Variants in DGKD observed in about 807,000 individuals in gnomAD.
The protein encoded by DGKD is DAG kinase delta.
A neutral mutation model predicts 154.4 loss-of-function variants in DGKD; 68 were observed. The ratio of observed to expected loss-of-function variants is 0.44; its 90% CI spans 0.36 to 0.54. The LOEUF is 0.54. DGKD is among the 20% of genes least tolerant of loss of function. DGKD has a pLI of 0.00. For missense variants in DGKD, 1,343 were observed against 1,593.6 expected, an observed-to-expected ratio of 0.84 and a Z score of 2.68; for synonymous variants, 693 against 638.0, an observed-to-expected ratio of 1.09 and a Z score of -1.30.
At chr2:233,420,846 G>T (rs1190387754) in intron 3 of DGKD, among the ~76,000 whole-genome samples, 1 of 152,192 alleles carries the variant, frequency 6.6e-6, no homozygotes, top group Non-Finnish European at 1.5e-5. Flanking sequence ...TCCTGTTGTG[G>T]ACGTACACTT....
intron 5 of DGKD, among the ~76,000 whole-genome samples, chr2:233,435,436 AAAG>A (rs2062656628): frequency 6.6e-6 from 1 of 152,232 alleles, no homozygotes; most frequent in Non-Finnish European, 1.5e-5. Flanking sequence ...GAAAAAATCA[AAAG>A]AAGAATCATA....
chr2:233,403,005 G>A lies in DGKD; in HGVS notation c.348+12522G>A, dbSNP rs563387102. 2.6e-5 allele frequency among the ~76,000 whole-genome samples: 4 copies of A among 152,268 alleles called. No individual in the cohort carries two copies. The South Asian group carries it at 6.2e-4, about 24-fold the overall frequency. ...TACAAAGTACAGTTAGAGTGGTGGT[G>A]GTTAGCCTTGGGAGGGGAGGTAAGC... On this transcript the variant is annotated intron_variant, in intron 3 of 29. Coordinates refer to ENST00000264057, the MANE Select transcript of DGKD (RefSeq NM_152879.3).
chr2:233,445,573 G>T lies in DGKD; in HGVS notation c.1195-50G>T. 6.5e-7 allele frequency: 1 copy of T among 1,537,498 alleles called. No homozygotes were observed. Among genetic ancestry groups the T allele is most frequent in the Non-Finnish European group, 8.8e-7 (1 of 1,140,318 alleles). ...AAGGAGGGCTGCGGGCTGGGAAGTG[G>T]CCCCTGCCCCCAGGTGTTTGCCTGC... On this transcript the variant is annotated intron_variant, in intron 10 of 29. Transcript: ENST00000264057. The surrounding 1 kb of genome is among the most constrained non-coding windows in gnomAD (Gnocchi z 5.5).
intron 3 of DGKD, 134 bp downstream of exon 3, chr2:233,390,617 G>A (rs1703536455): frequency 1.5e-6 from 1 of 665,514 alleles, no homozygotes; most frequent in South Asian, 2.0e-5. Flanking sequence ...GGTAAAATTT[G>A]AATTTAATGC....
chr2:233,445,667 C>T lies in DGKD; in HGVS notation c.1239C>T (p.Ala413=), dbSNP rs1471974834. The T allele has an allele frequency of 1.2e-5, 19 of 1,613,188 alleles. No individual in the cohort carries two copies. Among genetic ancestry groups the T allele is most frequent in the Non-Finnish European group, 1.5e-5 (18 of 1,179,642 alleles). The stretch of plus-strand genomic sequence containing the variant: ...CGCTCGGCACAGGGAACGACTTGGC[C>T]CGAGTACTGGGCTGGGGCTCAGCCT... The part of the protein sequence containing the change: ...VLPLGTGNDL[A]RVLGWGSACD... Residue 413 remains alanine (A), a synonymous_variant, in exon 11 of 30, where the codon GCC becomes GCT. Transcript: ENST00000264057. The surrounding 1 kb of genome is among the most constrained non-coding windows in gnomAD (Gnocchi z 5.5).
In DGKD at chr2:233,462,435, G is replaced by A. The variant is rs762920787; in HGVS notation, c.3069G>A (p.Val1023=). ...VNASSKSMDR[V]YGKPRTTEGL... ...CCAGCTCCAAGTCCATGGACCGTGTGTATGGCAAGCCCAGAACCACAGAGG... is the reference window on the plus strand; with the variant it reads ...CCAGCTCCAAGTCCATGGACCGTGTATATGGCAAGCCCAGAACCACAGAGG... Residue 1023 remains valine, a synonymous_variant, in exon 25 of 30, where the codon GTG becomes GTA. Transcript: ENST00000264057. 1.2e-6 allele frequency: 2 copies of A among 1,600,570 alleles called. No homozygotes were observed. Among genetic ancestry groups the A allele is most frequent in the Non-Finnish European group, 1.7e-6 (2 of 1,169,614 alleles).
chr2:233,394,643 A>G (rs1703874673), intron 3 of DGKD, among the ~76,000 whole-genome samples: 1 of 135,652 alleles, frequency 7.4e-6, no homozygotes, highest in South Asian at 2.4e-4. Context: ...ACCCTTTTCC[A>G]TCCTAACTTT....
intron 1 of DGKD, among the ~76,000 whole-genome samples, chr2:233,369,161 T>A (rs1215353742): frequency 6.6e-6 from 1 of 152,222 alleles, no homozygotes; most frequent in African/African-American, 2.4e-5. Context: ...GGGGGGAGGT[T>A]CTCATCTGTA....
Position 233,471,982 on chromosome 2 carries a change from A to G in DGKD, c.*2522A>G, listed in dbSNP as rs2064029547. The G allele has an allele frequency of 6.6e-6, 1 of 152,384 alleles. No homozygotes were observed. Among genetic ancestry groups the G allele is most frequent in the African/African-American group, 2.4e-5 (1 of 41,460 alleles). The allele number at this position is 152,384 out of a possible 1,614,324, so 9.4% of individuals were successfully genotyped here. On this transcript the variant is annotated 3_prime_UTR_variant, in exon 30 of 30. Transcript: ENST00000264057. ...CCTCGTATTTATAATCTTAATTTAT[A>G]TAGTGACCACCGTGGAAACAAACGC...
At position 233,452,263 on chromosome 2, in the gene DGKD, G is replaced by T. The variant is rs1052958973; in HGVS notation, c.2264+203G>T. On this transcript the variant is annotated intron_variant, in intron 18 of 29. Transcript: ENST00000264057. The surrounding 1 kb of genome is among the most constrained non-coding windows in gnomAD (Gnocchi z 4.0). ...TGCACATCTGCTGCAGAGGCAAAGC[G>T]CACGCCTCCCATCTCCTTCCCAAGG... is the stretch of plus-strand genomic sequence containing the variant. Among the ~76,000 whole-genome samples the T allele has an allele frequency of 6.6e-6, 1 of 152,202 alleles. No individual in the cohort carries two copies. The highest frequency in any genetic ancestry group is 1.5e-5 in the Non-Finnish European group (1 of 68,032).
intron 3 of DGKD, among the ~76,000 whole-genome samples, chr2:233,401,015 C>T (rs2125482777): frequency 6.6e-6 from 1 of 152,220 alleles, no homozygotes; most frequent in African/African-American, 2.4e-5. Flanking sequence ...AGACCCAAGG[C>T]AGCAGGACTG....
chr2:233,388,230 T>G (rs906843945), intron 1 of DGKD, 27 bp from the exon 2 acceptor site: 21 of 1,600,818 alleles, frequency 1.3e-5, no homozygotes, highest in Non-Finnish European at 1.7e-5. Flanking sequence ...AAAACGCAAG[T>G]TTATGAATAT....
chr2:233,438,151 C>G lies in DGKD; in HGVS notation c.923-66C>G, dbSNP rs756680857. The G allele has an allele frequency of 6.3e-5, 97 of 1,545,786 alleles. No homozygotes were observed. In the Middle Eastern group the frequency reaches 9.2e-4, roughly 15 times the overall value. On this transcript the variant is annotated intron_variant, in intron 8 of 29. Transcript: ENST00000264057. The surrounding 1 kb of genome is among the most constrained non-coding windows in gnomAD (Gnocchi z 4.1). ...TTGGGGGGGTCTGCTGCTGCTGATTCCATCAGTGGTGCCCTCAGCGTCTTC... is the reference window on the plus strand; with the variant it reads ...TTGGGGGGGTCTGCTGCTGCTGATTGCATCAGTGGTGCCCTCAGCGTCTTC...
chr2:233,426,153 T>C (rs867729130), intron 3 of DGKD, among the ~76,000 whole-genome samples: 13 of 152,226 alleles, frequency 8.5e-5, no homozygotes, highest in African/African-American at 3.1e-4. Flanking sequence ...TCTAACACTG[T>C]TTTAACATAG....
intron 11 of DGKD, among the ~76,000 whole-genome samples, chr2:233,446,468 T>G (rs1276444402): frequency 6.6e-6 from 1 of 152,258 alleles, no homozygotes; most frequent in Non-Finnish European, 1.5e-5. Context: ...AAGCAGCATC[T>G]TATCTCAAGG....
intron 1 of DGKD, chr2:233,386,181 G>T (rs766499221): frequency 3.7e-5 from 12 of 324,980 alleles, no homozygotes; most frequent in Non-Finnish European, 6.7e-5. Context: ...TCCCATTTAG[G>T]GAAGAGATGG....
rs147237374 is a variant in DGKD, at chr2:233,438,678, T to C, written c.1085+299T>C. ...CTTTACCTGCCGTTGCACAAATGCC[T>C]TCTGTATGTGTCTGCATACAACGTT... is the stretch of plus-strand genomic sequence containing the variant. On this transcript the variant is annotated intron_variant, in intron 9 of 29. Coordinates refer to ENST00000264057, the MANE Select transcript of DGKD (RefSeq NM_152879.3). The surrounding 1 kb of genome is among the most constrained non-coding windows in gnomAD (Gnocchi z 4.1). Among the ~76,000 whole-genome samples the C allele has an allele frequency of 1.9e-3, 293 of 152,376 alleles. 5 individuals carry two copies. The highest frequency in any genetic ancestry group is 0.016 in the Admixed American group (239 of 15,310).
At chr2:233,426,569 A>G (rs536131841) in intron 3 of DGKD, among the ~76,000 whole-genome samples, 5 of 152,186 alleles carry the variant, frequency 3.3e-5, no homozygotes, top group Non-Finnish European at 4.4e-5. Context: ...TACACAGAGT[A>G]TATGTCGTCT....
rs2063086163 is a variant in DGKD, at chr2:233,446,752, G to A, written c.1375G>A (p.Ala459Thr). The A allele has an allele frequency of 6.2e-7, 1 of 1,614,178 alleles. No individual in the cohort carries two copies. Among genetic ancestry groups the A allele is most frequent in the Non-Finnish European group, 8.5e-7 (1 of 1,180,040 alleles). ...MAYEAKLPRQ[A>T]SSSTVTEDFS... ...ATACGAGGCCAAGCTCCCCCGGCAGGCCTCCTCCTCTACCGTCACCGAAGA... is the reference window on the plus strand; with the variant it reads ...ATACGAGGCCAAGCTCCCCCGGCAGACCTCCTCCTCTACCGTCACCGAAGA... The change falls in exon 12 of 30, where the codon GCC (alanine) becomes ACC (threonine). Residue 459 changes from alanine to threonine, a missense_variant. Physicochemically the swap from Ala to Thr is moderately conservative, Grantham distance 58 (BLOSUM62 0). This residue lies in a region of DGKD where 409 missense variants were observed against 446.0 expected (regional missense o/e 0.92). Transcript: ENST00000264057.
Sources: allele counts gnomAD v4.1 joint callset (sites outside exome capture counted in the v4.1 genomes callset), GRCh38; gene constraint gnomAD v4.1.1; regional missense constraint gnomAD v4.1.1; non-coding constraint Gnocchi (gnomAD v3.1); transcripts MANE v1.5; gene names NCBI Gene and HGNC (gene_info 2026-07-23, HGNC 2026-07-21).